Variants in ADGRG3 observed in about 807,000 individuals in gnomAD.
The protein encoded by ADGRG3 is G protein-coupled receptor 97.
ADGRG3 carries 39 observed loss-of-function variants against 54.3 expected under a neutral mutation model. That is an observed-to-expected ratio of 0.72 (90% CI 0.56 to 0.94). ADGRG3 has a LOEUF of 0.94. Among genes scored for constraint, ADGRG3 ranks in the 40% least tolerant of loss-of-function variants. ADGRG3 has a pLI of 0.00. For synonymous variants in ADGRG3, 312 were observed against 290.0 expected (o/e 1.08, Z -0.77); for missense variants, 654 against 694.6 (o/e 0.94, Z 0.66).
rs777986530 is a variant in ADGRG3 at position 57,680,354 on chromosome 16, G to A, written c.757G>A (p.Ala253Thr). 124 of 1,612,214 alleles carry A rather than the reference G, an allele frequency of 7.7e-5. 1 individual carries two copies. Among genetic ancestry groups the A allele is most frequent in the South Asian group, 4.9e-4 (45 of 90,982 alleles). Reference protein sequence around the residue: ...VCCCDHLTFFALLLRPTLDQS... With the variant: ...VCCCDHLTFFTLLLRPTLDQS... ...CTGCTGTGACCACCTGACCTTTTTC[G>A]CCCTGCTCCTGGTAACAGCCCCCTC... Residue 253 changes from alanine to threonine, a missense_variant, in exon 7 of 12, where the codon GCC becomes ACC. Coordinates refer to ENST00000333493, the MANE Select transcript of ADGRG3 (RefSeq NM_170776.5).
Position 57,668,384 on chromosome 16 carries a change from C to A in ADGRG3, c.37C>A (p.Leu13Ile). 6.4e-7 allele frequency: 1 copy of A among 1,574,788 alleles called. No individual in the cohort carries two copies. The highest frequency in any genetic ancestry group is 8.6e-7 in the Non-Finnish European group (1 of 1,167,816). ...CAGGGGCCTGGGGGCCCTGCTCCTGCTCCTCCTGCTCCCGACCTCAGGTGA... is the reference window on the plus strand; with the variant it reads ...CAGGGGCCTGGGGGCCCTGCTCCTGATCCTCCTGCTCCCGACCTCAGGTGA... The part of the protein sequence containing the change: ...TPRGLGALLL[L>I]LLLPTSGQEK... Residue 13 changes from leucine (L) to isoleucine (I), a missense_variant, in exon 1 of 12, where the codon CTC becomes ATC. Transcript: ENST00000333493.
chr16:57,669,913 C>T (rs952489766), intron 1 of ADGRG3, among the ~76,000 whole-genome samples: 11 of 152,088 alleles, frequency 7.2e-5, no homozygotes, highest in Admixed American at 2.0e-4. Context: ...GGGCAGGGCA[C>T]GGGGAGCAAG....
rs145615255 is a variant in ADGRG3 at position 57,685,771 on chromosome 16, G to C, written c.1385G>C (p.Arg462Pro). Reference sequence around the variant, plus strand: ...GTCTGGAAGATCTTCACCCTGTCCCGTGCTACAGCGGTCAAGGAGCGGGGG... The same window carrying C: ...GTCTGGAAGATCTTCACCCTGTCCCCTGCTACAGCGGTCAAGGAGCGGGGG... ...LVVWKIFTLS[R>P]ATAVKERGKN... Residue 462 changes from arginine (R) to proline (P), a missense_variant, in exon 11 of 12, where the codon CGT becomes CCT. Physicochemically the swap from Arg to Pro is moderately radical, Grantham distance 103. Coordinates refer to ENST00000333493, the MANE Select transcript of ADGRG3 (RefSeq NM_170776.5). 11 of 1,614,054 alleles carry C rather than the reference G, an allele frequency of 6.8e-6. No individual in the cohort carries two copies. The South Asian group carries it at 9.9e-5, about 14-fold the overall frequency.
At chr16:57,667,297 A>AGCAACCACACACCTTGGTGGGATGCCC, upstream of ADGRG3, among the ~76,000 whole-genome samples, 2 of 152,244 alleles carry the variant, frequency 1.3e-5, no homozygotes, top group Non-Finnish European at 2.9e-5. Context: ...GGGGGATGCC[A>AGCAACCACACACCTTGGTGGGATGCCC]GCAACCACAC....
intron 2 of ADGRG3, chr16:57,674,680 T>C: frequency 2.5e-6 from 1 of 408,152 alleles, no homozygotes; most frequent in Non-Finnish European, 4.9e-6. Flanking sequence ...AAAACAAGTC[T>C]CCAAACAAAA....
At position 57,684,374 on chromosome 16, in the gene ADGRG3, T is replaced by C. The variant is rs567276805; in HGVS notation, c.1163-16T>C. 6.2e-7 allele frequency: 1 copy of C among 1,609,558 alleles called. No individual in the cohort carries two copies. Among genetic ancestry groups the C allele is most frequent in the African/African-American group, 1.3e-5 (1 of 74,870 alleles). ...GTAAGCCCCAGTGGTGTCATGCCAT[T>C]TCCCCTTGTGCCCAGGCCTGCCCGC... On this transcript the variant is annotated splice_polypyrimidine_tract_variant and intron_variant, in intron 9 of 11. Coordinates refer to ENST00000333493, the MANE Select transcript of ADGRG3 (RefSeq NM_170776.5).
chr16:57,681,363 TGTGTGTGTGTGTGCGC>T (rs1163429198), intron 8 of ADGRG3, among the ~76,000 whole-genome samples: 1 of 117,466 alleles, frequency 8.5e-6, no homozygotes, highest in African/African-American at 4.6e-5. Flanking sequence ...TGTGTGTGTG[TGTGTGTGTGTGTGCGC>T]GCGTGCGTGC....
intron 8 of ADGRG3, among the ~76,000 whole-genome samples, chr16:57,682,035 G>A (rs1329546035): frequency 2.6e-5 from 4 of 152,228 alleles, no homozygotes; most frequent in African/African-American, 7.2e-5. Context: ...CAGATTGGCC[G>A]GCCAGGCCAT....
intron 2 of ADGRG3, among the ~76,000 whole-genome samples, chr16:57,675,631 A>C (rs867474889): frequency 2.0e-5 from 3 of 152,214 alleles, no homozygotes; most frequent in Non-Finnish European, 4.4e-5. Flanking sequence ...ACAGTCTCAA[A>C]AATAAAATAA....
rs2048297027 is a variant in ADGRG3 at position 57,678,163 on chromosome 16, G to A, written c.346-7G>A. 1.2e-6 allele frequency: 2 copies of A among 1,613,848 alleles called. No individual in the cohort carries two copies. Among genetic ancestry groups the A allele is most frequent in the African/African-American group, 1.3e-5 (1 of 74,930 alleles). On this transcript the variant is annotated splice_region_variant and splice_polypyrimidine_tract_variant and intron_variant, in intron 3 of 11. Transcript: ENST00000333493. ...ACAGATGGGAGCTGCTGTGTCTGTGGTTGTAGGTTCCGAGGCAGGTGATGA... is the reference window on the plus strand; with the variant it reads ...ACAGATGGGAGCTGCTGTGTCTGTGATTGTAGGTTCCGAGGCAGGTGATGA...
At chr16:57,683,871 G>A in intron 8 of ADGRG3, 61 bp from the exon 9 acceptor site, 6 of 1,409,902 alleles carry the variant, frequency 4.3e-6, no homozygotes, top group Non-Finnish European at 5.8e-6. Context: ...AGGCTTGGGT[G>A]CCTCATGGGA....
intron 4 of ADGRG3, chr16:57,678,976 C>A: frequency 1.6e-6 from 1 of 611,932 alleles, no homozygotes; most frequent in Non-Finnish European, 2.9e-6. Context: ...AGCCAGTTGA[C>A]CTGGCCCAGC....
rs751073658 is a variant in ADGRG3, at chr16:57,673,480, C to G, written c.206+12C>G. 1.3e-5 allele frequency: 20 copies of G among 1,591,030 alleles called. No individual in the cohort carries two copies. The highest frequency in any genetic ancestry group is 1.7e-5 in the Non-Finnish European group (20 of 1,161,456). On this transcript the variant is annotated intron_variant, in intron 2 of 11. Transcript: ENST00000333493. The stretch of plus-strand genomic sequence containing the variant: ...GAAAACTTGCAGAGGTGAGGGGGCC[C>G]CCTGAGCTGGAGGGGGAATCTGAAG...
At chr16:57,676,853 A>G (rs1597763533) in intron 3 of ADGRG3, among the ~76,000 whole-genome samples, 1 of 152,244 alleles carries the variant, frequency 6.6e-6, no homozygotes, top group East Asian at 1.9e-4. Flanking sequence ...AAAACAAAAC[A>G]CAAAACAAAC....
intron 10 of ADGRG3, 83 bp downstream of exon 10, chr16:57,684,566 G>A: frequency 2.1e-6 from 2 of 974,642 alleles, no homozygotes; most frequent in East Asian, 2.5e-5. Flanking sequence ...GGAGAGGAGG[G>A]ATTTCTAGGA....
At position 57,678,210 on chromosome 16, in the gene ADGRG3, A is replaced by G. The variant is rs746915913; in HGVS notation, c.386A>G (p.Asp129Gly). The G allele has an allele frequency of 4.3e-6, 7 of 1,614,176 alleles. No individual in the cohort carries two copies. The highest frequency in any genetic ancestry group is 3.4e-6 in the Non-Finnish European group (4 of 1,180,012). The stretch of plus-strand genomic sequence containing the variant: ...ATGAAGGACGAGGACAAGCCCCCTG[A>G]CAGAGTGCGACTTCCCAAGAGCCTT... ...QVMKDEDKPP[D>G]RVRLPKSLFR... Residue 129 changes from aspartate (D) to glycine (G), a missense_variant, in exon 4 of 12, where the codon GAC (aspartate) becomes GGC (glycine). Asp to Gly is a moderately conservative substitution (Grantham distance 94, BLOSUM62 -1). Coordinates refer to ENST00000333493, the MANE Select transcript of ADGRG3 (RefSeq NM_170776.5).
Position 57,683,773 on chromosome 16 carries a change from C to G in ADGRG3, c.882-159C>G, listed in dbSNP as rs1239628006. Among the ~76,000 whole-genome samples the G allele has an allele frequency of 2.6e-5, 4 of 152,166 alleles. No individual in the cohort carries two copies. The East Asian group carries it at 7.7e-4, about 29-fold the overall frequency. On this transcript the variant is annotated intron_variant, in intron 8 of 11. Coordinates refer to ENST00000333493, the MANE Select transcript of ADGRG3 (RefSeq NM_170776.5). ...CCTGGACTTGAACCTCAGGACACTC[C>G]CACTCTGGCTGCCGGCAGGGATGGA...
upstream of ADGRG3, among the ~76,000 whole-genome samples, chr16:57,667,918 A>G (rs540918879): frequency 1.6e-4 from 25 of 152,320 alleles, no homozygotes; most frequent in African/African-American, 6.0e-4. Context: ...CACTTTACAG[A>G]GGAGGAAACT....
At chr16:57,686,170 G>A (rs2048469513) in intron 11 of ADGRG3, among the ~76,000 whole-genome samples, 2 of 152,138 alleles carry the variant, frequency 1.3e-5, no homozygotes, top group African/African-American at 4.8e-5. Flanking sequence ...AAGAAAATGG[G>A]GTTAATTGGC....
Sources: gnomAD v4.1 joint callset for allele counts (sites outside exome capture counted in the v4.1 genomes callset) on GRCh38, gnomAD v4.1.1 for gene constraint, MANE v1.5 for transcripts, NCBI Gene and HGNC (gene_info 2026-07-23, HGNC 2026-07-21) for gene names.